PHLPP1: variants seen among roughly 807,000 people sequenced by gnomAD.
PHLPP1 encodes the protein PH domain and leucine rich repeat protein phosphatase 1.
In PHLPP1, 42 loss-of-function variants were observed where a neutral mutation model predicts 117.2. The observed-to-expected ratio is 0.36, with a 90% CI of 0.28 to 0.46. The LOEUF is 0.46. PHLPP1 is among the 20% of genes least tolerant of loss of function. The pLI is 1.00. For missense variants in PHLPP1, 2,084 were observed against 2,241.9 expected (o/e 0.93, Z 1.42); for synonymous variants, 1,042 against 970.7 (o/e 1.07, Z -1.37).
chr18:62,824,876 G>A (rs1914567154), intron 1 of PHLPP1, among the ~76,000 whole-genome samples: 1 of 151,472 alleles, frequency 6.6e-6, no homozygotes, highest in South Asian at 2.1e-4. Flanking sequence ...TACTTATAAT[G>A]GACCACCCCC....
chr18:62,856,161 G>A (rs553091988), intron 3 of PHLPP1, among the ~76,000 whole-genome samples: 3 of 152,222 alleles, frequency 2.0e-5, no homozygotes, highest in South Asian at 2.1e-4. Flanking sequence ...TTGAGCATCC[G>A]TGGATTTTGA....
intron 6 of PHLPP1, among the ~76,000 whole-genome samples, chr18:62,896,258 G>T (rs1362331248): frequency 2.7e-5 from 4 of 149,412 alleles, no homozygotes; most frequent in Admixed American, 6.7e-5. Context: ...GCTGTTTTTT[G>T]TTGTTGTTGT....
chr18:62,931,678 A>T (rs628968), intron 10 of PHLPP1, among the ~76,000 whole-genome samples: 6 of 151,236 alleles, frequency 4.0e-5, no homozygotes, highest in Non-Finnish European at 7.4e-5. Flanking sequence ...GTGGATCATA[A>T]GGTCAAGAGT....
intron 4 of PHLPP1, among the ~76,000 whole-genome samples, chr18:62,880,165 A>G (rs1916142624): frequency 6.6e-6 from 1 of 151,680 alleles, no homozygotes; most frequent in African/African-American, 2.4e-5. Context: ...CAACCCTAGC[A>G]TCAGACTTTT....
At chr18:62,763,541 C>T (rs776124408) in intron 1 of PHLPP1, among the ~76,000 whole-genome samples, 1 of 152,136 alleles carries the variant, frequency 6.6e-6, no homozygotes, top group Non-Finnish European at 1.5e-5. Context: ...CTCATCGCAC[C>T]CTTGTTTTGG....
intron 1 of PHLPP1, among the ~76,000 whole-genome samples, chr18:62,770,943 G>A (rs1484573437): frequency 6.6e-6 from 1 of 152,156 alleles, no homozygotes; most frequent in Non-Finnish European, 1.5e-5. Context: ...GATGGTCTGG[G>A]CGCGGTGGCT....
intron 14 of PHLPP1, among the ~76,000 whole-genome samples, chr18:62,963,886 A>AT (rs1185726958): frequency 6.6e-6 from 1 of 152,144 alleles, no homozygotes; most frequent in Non-Finnish European, 1.5e-5. Context: ...CACTCATGTT[A>AT]TTGACTATGG....
At position 62,875,048 on chromosome 18, in the gene PHLPP1, G is replaced by A. The variant is rs1214784769; in HGVS notation, c.2066+14447G>A. On this transcript the variant is annotated intron_variant, in intron 4 of 16. Coordinates refer to ENST00000262719, the MANE Select transcript of PHLPP1 (RefSeq NM_194449.4). ...TGGCTCACTGCAACTTCCGCCTCCCGGGTTCAAGCGATTCTCATGCCTCAG... is the reference window on the plus strand; with the variant it reads ...TGGCTCACTGCAACTTCCGCCTCCCAGGTTCAAGCGATTCTCATGCCTCAG... Among the ~76,000 whole-genome samples the A allele has an allele frequency of 2.0e-5, 3 of 152,106 alleles. 1 individual carries two copies. Among genetic ancestry groups the A allele is most frequent in the South Asian group, 4.1e-4 (2 of 4,824 alleles).
In PHLPP1 at chr18:62,979,462, C is replaced by G; in HGVS notation, c.*31C>G. 4 of 1,539,222 alleles carry G rather than the reference C, an allele frequency of 2.6e-6. No individual in the cohort carries two copies. Among genetic ancestry groups the G allele is most frequent in the Non-Finnish European group, 3.5e-6 (4 of 1,139,686 alleles). On this transcript the variant is annotated 3_prime_UTR_variant, in exon 17 of 17. Transcript: ENST00000262719. ...CCGAGCTGTTTAACAAATAAACTAA[C>G]CACAAAAGACTGAGTTGCAAGAGTC...
At chr18:62,845,693 C>G (rs142451722) in intron 3 of PHLPP1, among the ~76,000 whole-genome samples, 3 of 152,244 alleles carry the variant, frequency 2.0e-5, no homozygotes, top group African/African-American at 7.2e-5. Flanking sequence ...AAGTGTAGTT[C>G]AGGAAGTCTG....
rs1910755588 is a variant in PHLPP1, at chr18:62,716,756, G to A, written c.1073G>A (p.Ser358Asn). 2.0e-6 allele frequency: 3 copies of A among 1,520,340 alleles called. No individual in the cohort carries two copies. Among genetic ancestry groups the A allele is most frequent in the Non-Finnish European group, 2.6e-6 (3 of 1,139,484 alleles). 94.2% of individuals were successfully genotyped at this position (1,520,340 alleles called of 1,614,324 possible). Residue 358 changes from serine to asparagine, a missense_variant, in exon 1 of 17, where the codon AGC becomes AAC. Coordinates refer to ENST00000262719, the MANE Select transcript of PHLPP1 (RefSeq NM_194449.4). The surrounding 1 kb of genome is among the most constrained non-coding windows in gnomAD (Gnocchi z 5.7). ...ESFSLSPSAE[S>N]VSDRLDPYSS... is the part of the protein sequence containing the mutation. Reference sequence around the variant, plus strand: ...TTCAGTCTGAGTCCCAGCGCCGAGAGCGTGTCTGACCGGTTGGACCCCTAC... The same window carrying A: ...TTCAGTCTGAGTCCCAGCGCCGAGAACGTGTCTGACCGGTTGGACCCCTAC...
rs746459094 is a variant in PHLPP1 at position 62,963,464 on chromosome 18, A to G, written c.3552A>G (p.Val1184=). ...WSHGYTEASG[V]KNKLCVAALS... ...ATGGTTACACTGAAGCTTCGGGGGT[A>G]AAAAACAAGTAAGTCAGATGAAACT... Residue 1184 remains valine (V), a synonymous_variant, in exon 14 of 17, where the codon GTA becomes GTG. Transcript: ENST00000262719. 2.5e-6 allele frequency: 4 copies of G among 1,606,808 alleles called. No homozygotes were observed. The highest frequency in any genetic ancestry group is 1.7e-5 in the Admixed American group (1 of 59,522).
At chr18:62,886,194 A>T (rs960855834) in intron 4 of PHLPP1, among the ~76,000 whole-genome samples, 2 of 152,206 alleles carry the variant, frequency 1.3e-5, no homozygotes, top group Non-Finnish European at 2.9e-5. Context: ...TATCAGCTTG[A>T]TTCTACCATC....
intron 10 of PHLPP1, among the ~76,000 whole-genome samples, chr18:62,933,507 A>G (rs1373079412): frequency 1.3e-5 from 2 of 152,232 alleles, no homozygotes; most frequent in Non-Finnish European, 2.9e-5. Flanking sequence ...AAAAATAAAC[A>G]ATGAGGAAAG....
intron 10 of PHLPP1, among the ~76,000 whole-genome samples, chr18:62,933,568 A>G (rs927038162): frequency 6.6e-6 from 1 of 152,234 alleles, no homozygotes; most frequent in African/African-American, 2.4e-5. Flanking sequence ...CCATATGCAG[A>G]AGAATGAAAC....
At chr18:62,925,454 CAT>C (rs1909600305) in intron 10 of PHLPP1, among the ~76,000 whole-genome samples, 2 of 151,996 alleles carry the variant, frequency 1.3e-5, no homozygotes, top group Non-Finnish European at 2.9e-5. Context: ...GGTAATTGCT[CAT>C]GTGTGCTTAT....
intron 3 of PHLPP1, among the ~76,000 whole-genome samples, chr18:62,847,253 T>C (rs1915204123): frequency 6.6e-6 from 1 of 152,200 alleles, no homozygotes; most frequent in Non-Finnish European, 1.5e-5. Context: ...TAGCCGTTGT[T>C]GTTCTCACTG....
At chr18:62,905,181 T>C (rs761283395) in intron 7 of PHLPP1, 43 bp from the exon 8 acceptor site, 1 of 1,276,490 alleles carries the variant, frequency 7.8e-7, no homozygotes, top group South Asian at 1.7e-5. Context: ...TCTATGTCAT[T>C]TGTATAGTAA....
chr18:62,790,240 C>T (rs1291697529), intron 1 of PHLPP1, among the ~76,000 whole-genome samples: 1 of 152,132 alleles, frequency 6.6e-6, no homozygotes, highest in Non-Finnish European at 1.5e-5. Context: ...GAAAAAAGAC[C>T]TCTAAGCAGC....
Sources: allele counts gnomAD v4.1 joint callset (sites outside exome capture counted in the v4.1 genomes callset), GRCh38; gene constraint gnomAD v4.1.1; non-coding constraint Gnocchi (gnomAD v3.1); transcripts MANE v1.5; gene names NCBI Gene and HGNC (gene_info 2026-07-23, HGNC 2026-07-21).